The following CRYM variants were observed in gnomAD, a reference collection of about 807,000 sequenced individuals.
The protein encoded by CRYM is crystallin mu.
Under a neutral mutation model 32.9 loss-of-function variants are expected in CRYM, and 18 were observed. The observed-to-expected ratio is 0.55, with a 90% CI of 0.38 to 0.81. CRYM has a LOEUF of 0.81. Among genes scored for constraint, CRYM ranks in the 30% least tolerant of loss-of-function variants. The probability of loss-of-function intolerance (pLI) is 0.00; values close to 1 mark genes in which losing one functional copy is unlikely to be tolerated. For missense variants in CRYM, 337 were observed against 393.5 expected, an observed-to-expected ratio of 0.86 and a Z score of 1.21; for synonymous variants, 153 against 152.4, an observed-to-expected ratio of 1.00 and a Z score of -0.03.
At chr16:21,278,060 G>A (rs2093390709) in intron 1 of CRYM, 22 bp downstream of exon 1, 4 of 1,536,560 alleles carry the variant, frequency 2.6e-6, no homozygotes, top group Non-Finnish European at 3.5e-6. Flanking sequence ...TCCTGCCCCT[G>A]ACCCCGACCC....
intron 4 of CRYM, 23 bp from the exon 5 acceptor site, chr16:21,267,760 G>A (rs773632300): frequency 6.2e-7 from 1 of 1,613,874 alleles, no homozygotes; most frequent in Non-Finnish European, 8.5e-7. Context: ...TAACAAGAAG[G>A]ATATTGGCGC....
At chr16:21,300,619 G>A (rs1960889177) in intron 1 of CRYM, 1 of 152,158 alleles carries the variant, frequency 6.6e-6, no homozygotes, top group Non-Finnish European at 1.5e-5. Context: ...TCATTCTTTG[G>A]TCTGTTGGCT....
At chr16:21,261,195 A>G (rs1439528244) in intron 7 of CRYM, 59 bp downstream of exon 7, 2 of 1,320,802 alleles carry the variant, frequency 1.5e-6, no homozygotes, top group East Asian at 2.3e-5. Flanking sequence ...CTTTCCACCA[A>G]TGGGTGAACC....
intron 7 of CRYM, 149 bp from the exon 8 acceptor site, chr16:21,258,994 G>C (rs752498615): frequency 4.4e-6 from 3 of 683,372 alleles, no homozygotes; most frequent in African/African-American, 1.8e-5. Context: ...ATGAGCTCAG[G>C]CTTCAATTGT....
At chr16:21,293,686 T>C (rs927036094) in intron 1 of CRYM, among the ~76,000 whole-genome samples, 9 of 152,170 alleles carry the variant, frequency 5.9e-5, no homozygotes, top group Non-Finnish European at 1.3e-4. Flanking sequence ...CATACAGATA[T>C]TAGCAAGAAT....
At position 21,261,244 on chromosome 16, in the gene CRYM, T is replaced by C; in HGVS notation, c.880+10A>G. 1 of 1,610,788 alleles carries C rather than the reference T, an allele frequency of 6.2e-7. No individual in the cohort carries two copies. Among genetic ancestry groups the C allele is most frequent in the Non-Finnish European group, 8.5e-7 (1 of 1,177,194 alleles). ...AGTTGGATTTGTGCCCAGGGAGCAA[T>C]GGATCTTACCCAAAGACTTGAACAC... On this transcript the variant is annotated intron_variant, in intron 7 of 7. Transcript: ENST00000572914.
At chr16:21,292,145 A>C (rs1320567561) in intron 1 of CRYM, among the ~76,000 whole-genome samples, 2 of 152,136 alleles carry the variant, frequency 1.3e-5, no homozygotes, top group African/African-American at 4.8e-5. Context: ...CAACATGTGA[A>C]TGGGTAATCA....
chr16:21,270,723 T>G (rs2093373712), intron 3 of CRYM, among the ~76,000 whole-genome samples: 1 of 152,232 alleles, frequency 6.6e-6, no homozygotes, highest in African/African-American at 2.4e-5. Flanking sequence ...TTCTAAGAGC[T>G]GCCTGGATTC....
In CRYM at chr16:21,277,984, C is replaced by T; in HGVS notation, c.170+98G>A. 7.3e-7 allele frequency: 1 copy of T among 1,363,486 alleles called. No individual in the cohort carries two copies. The highest frequency in any genetic ancestry group is 2.2e-5 in the Admixed American group (1 of 46,428). 84.5% of individuals were successfully genotyped at this position (1,363,486 alleles called of 1,614,324 possible). ...GTGGCAGCTGTTAGCAACGGTTAGG[C>T]AAGCCGTCTCTTCCCTTCTCCCACC... On this transcript the variant is annotated intron_variant, in intron 1 of 7. Transcript: ENST00000572914. This position sits in a 1 kb window ranked among gnomAD's most constrained non-coding sequence, Gnocchi z 4.2.
At chr16:21,291,329 A>G (rs191516586) in intron 1 of CRYM, among the ~76,000 whole-genome samples, 1 of 152,322 alleles carries the variant, frequency 6.6e-6, no homozygotes, top group East Asian at 1.9e-4. Context: ...CATAAATTAC[A>G]GTACAGAAAG....
At chr16:21,290,124 G>A (rs796092997) in intron 1 of CRYM, among the ~76,000 whole-genome samples, 1 of 152,212 alleles carries the variant, frequency 6.6e-6, no homozygotes, top group African/African-American at 2.4e-5. Context: ...GGGAATAAAA[G>A]CTGGCCACCA....
At chr16:21,282,760 C>T (rs2093400384), upstream of CRYM, among the ~76,000 whole-genome samples, 1 of 152,122 alleles carries the variant, frequency 6.6e-6, no homozygotes, top group Non-Finnish European at 1.5e-5. Context: ...AGCTTTGGTT[C>T]ACATCACCCA....
chr16:21,302,137 A>G (rs1285491413), intron 1 of CRYM, among the ~76,000 whole-genome samples: 1 of 152,246 alleles, frequency 6.6e-6, no homozygotes, highest in Non-Finnish European at 1.5e-5. Context: ...GGAATTTTAT[A>G]TTGGCTATGC....
chr16:21,262,278 CCT>C, intron 5 of CRYM, 120 bp from the exon 6 acceptor site: 3 of 1,240,494 alleles, frequency 2.4e-6, no homozygotes, highest in Admixed American at 1.9e-5. Flanking sequence ...CAAAATACCC[CCT>C]CATTCCCCAG....
chr16:21,292,285 T>C (rs1446367165), intron 1 of CRYM, among the ~76,000 whole-genome samples: 1 of 152,120 alleles, frequency 6.6e-6, no homozygotes, highest in Non-Finnish European at 1.5e-5. Flanking sequence ...TCTAGAAATA[T>C]CTATTGCTAA....
chr16:21,260,972 C>T, intron 7 of CRYM: 1 of 512,118 alleles, frequency 2.0e-6, no homozygotes, highest in Non-Finnish European at 3.5e-6. Flanking sequence ...CCCACCTAAT[C>T]CTCAATGGTA....
chr16:21,278,325 G>A, upstream of CRYM: 1 of 1,516,930 alleles, frequency 6.6e-7, no homozygotes, highest in South Asian at 1.2e-5. Flanking sequence ...CTTTATGAGC[G>A]CGCCCGCTGC....
At chr16:21,260,744 G>A (rs1316970826) in intron 7 of CRYM, among the ~76,000 whole-genome samples, 1 of 152,210 alleles carries the variant, frequency 6.6e-6, no homozygotes, top group Admixed American at 6.5e-5. Context: ...GCTCCCCATG[G>A]AAGCCCTCCT....
At chr16:21,286,561 C>G (rs938388275) in intron 1 of CRYM, among the ~76,000 whole-genome samples, 3 of 152,000 alleles carry the variant, frequency 2.0e-5, no homozygotes, top group African/African-American at 7.2e-5. Flanking sequence ...TTGATTATTT[C>G]TGTGGCATAC....
Sources: allele counts gnomAD v4.1 joint callset (sites outside exome capture counted in the v4.1 genomes callset), GRCh38; gene constraint gnomAD v4.1.1; non-coding constraint Gnocchi (gnomAD v3.1); transcripts MANE v1.5; gene names NCBI Gene and HGNC (gene_info 2026-07-23, HGNC 2026-07-21).